Variants in QSOX2 observed in about 807,000 individuals in gnomAD.
QSOX2 encodes the protein quiescin sulfhydryl oxidase 2, also known as sulfhydryl oxidase 2.
A neutral mutation model predicts 61.7 loss-of-function variants in QSOX2; 46 were observed. The ratio of observed to expected loss-of-function variants is 0.75; its 90% CI spans 0.59 to 0.95. The LOEUF (loss-of-function observed/expected upper bound fraction) is 0.95. QSOX2 is among the 40% of genes least tolerant of loss of function. QSOX2 has a pLI of 0.00. For synonymous variants in QSOX2, 383 were observed against 388.4 expected (o/e 0.99, Z 0.16); for missense variants, 879 against 918.9 (o/e 0.96, Z 0.56).
At chr9:136,230,105 C>T (rs2131062902) in intron 1 of QSOX2, among the ~76,000 whole-genome samples, 1 of 152,102 alleles carries the variant, frequency 6.6e-6, no homozygotes, top group East Asian at 1.9e-4. Context: ...ATGGTAAAAC[C>T]CCGTCTCTAC....
At chr9:136,218,958 C>T (rs551924895) in intron 7 of QSOX2, 72 bp downstream of exon 7, 482 of 1,585,256 alleles carry the variant, frequency 3.0e-4, no homozygotes, top group Non-Finnish European at 3.8e-4. Flanking sequence ...TGAGTAAACC[C>T]GCCCTGCAAG....
chr9:136,238,511 G>A (rs946347538), intron 1 of QSOX2, among the ~76,000 whole-genome samples: 21 of 152,238 alleles, frequency 1.4e-4, no homozygotes, highest in African/African-American at 5.1e-4. Flanking sequence ...CAAAGACAAC[G>A]CTCCCCGGGC....
At chr9:136,241,292 C>A (rs1328271917) in intron 1 of QSOX2, among the ~76,000 whole-genome samples, 1 of 152,256 alleles carries the variant, frequency 6.6e-6, no homozygotes, top group Non-Finnish European at 1.5e-5. Flanking sequence ...CACCTGGCAG[C>A]TCTCACGGGC....
chr9:136,236,552 C>T (rs1305000642), intron 1 of QSOX2, among the ~76,000 whole-genome samples: 6 of 152,254 alleles, frequency 3.9e-5, no homozygotes, highest in African/African-American at 9.6e-5. Flanking sequence ...CCTGGCCAAA[C>T]GGGTGCTCCA....
At chr9:136,229,630 A>C (rs1830312765) in intron 1 of QSOX2, among the ~76,000 whole-genome samples, 2 of 152,368 alleles carry the variant, frequency 1.3e-5, no homozygotes, top group East Asian at 3.9e-4. Flanking sequence ...AAGCCGGCCT[A>C]GAAACAGCAA....
intron 6 of QSOX2, among the ~76,000 whole-genome samples, chr9:136,219,620 G>T (rs138994791): frequency 6.6e-6 from 1 of 152,058 alleles, no homozygotes; most frequent in Non-Finnish European, 1.5e-5. Context: ...AGCTCCCTGC[G>T]TGCCCACCCT....
intron 1 of QSOX2, among the ~76,000 whole-genome samples, chr9:136,236,838 G>C (rs1212253027): frequency 6.7e-6 from 1 of 148,528 alleles, no homozygotes; most frequent in Non-Finnish European, 1.5e-5. Flanking sequence ...TGCCCATCCT[G>C]TCCCACACCT....
At chr9:136,244,282 G>A (rs1264458083) in intron 1 of QSOX2, among the ~76,000 whole-genome samples, 1 of 152,192 alleles carries the variant, frequency 6.6e-6, no homozygotes, top group Non-Finnish European at 1.5e-5. Context: ...TCAGTTCTGA[G>A]TCAGGTCAAC....
At chr9:136,232,934 A>AG (rs1830344817) in intron 1 of QSOX2, among the ~76,000 whole-genome samples, 1 of 149,620 alleles carries the variant, frequency 6.7e-6, no homozygotes, top group African/African-American at 2.5e-5. Context: ...AAAAAAAAAA[A>AG]AAAAGAAAAA....
intron 1 of QSOX2, among the ~76,000 whole-genome samples, chr9:136,233,459 C>T (rs946564898): frequency 3.3e-5 from 5 of 152,208 alleles, no homozygotes; most frequent in Non-Finnish European, 5.9e-5. Context: ...TCAGGACGGC[C>T]AACACGGTGG....
Position 136,221,876 on chromosome 9 carries a change from T to C in QSOX2, c.741A>G (p.Ala247=). 6.2e-7 allele frequency: 1 copy of C among 1,612,886 alleles called. No homozygotes were observed. The change falls in exon 6 of 12, where the codon GCA becomes GCG. Residue 247 remains alanine (A), a synonymous_variant. Coordinates refer to ENST00000358701, the MANE Select transcript of QSOX2 (RefSeq NM_181701.4). This position sits in a 1 kb window ranked among gnomAD's most constrained non-coding sequence, Gnocchi z 4.5. ...AAGAAACACCAAGTTTCTCCAGAAATGCTTTGTCCCCGTCCAGTGCTCGGG... is the reference window on the plus strand; with the variant it reads ...AAGAAACACCAAGTTTCTCCAGAAACGCTTTGTCCCCGTCCAGTGCTCGGG... ...VVTRALDGDK[A]FLEKLGVSSV... is the part of the protein sequence containing the mutation.
intron 10 of QSOX2, among the ~76,000 whole-genome samples, chr9:136,212,054 G>A (rs559142863): frequency 1.7e-4 from 26 of 152,338 alleles, no homozygotes; most frequent in African/African-American, 5.8e-4. Context: ...GCACAGGGAC[G>A]GGTGCACCCA....
chr9:136,238,629 C>T (rs569388307), intron 1 of QSOX2, among the ~76,000 whole-genome samples: 2 of 152,212 alleles, frequency 1.3e-5, no homozygotes, highest in Non-Finnish European at 2.9e-5. Context: ...CTGCCACGCG[C>T]GGCCTGGCCT....
chr9:136,243,853 T>C (rs1410322131), intron 1 of QSOX2, among the ~76,000 whole-genome samples: 1 of 152,216 alleles, frequency 6.6e-6, no homozygotes, highest in Admixed American at 6.5e-5. Context: ...CTGTCGTGAC[T>C]GGGAAGACAG....
intron 1 of QSOX2, among the ~76,000 whole-genome samples, chr9:136,243,087 C>T (rs567059042): frequency 6.6e-6 from 1 of 152,326 alleles, no homozygotes; most frequent in African/African-American, 2.4e-5. Context: ...GACAGCACAG[C>T]CTCAGCAGCA....
chr9:136,237,179 G>A (rs1350976189), intron 1 of QSOX2, among the ~76,000 whole-genome samples: 2 of 142,702 alleles, frequency 1.4e-5, no homozygotes, highest in East Asian at 2.2e-4. Context: ...CCTGGTGCCC[G>A]TCCTGTGCCA....
rs139873002 is a variant in QSOX2, at chr9:136,210,990, G to A, written c.1549+274C>T. On this transcript the variant is annotated intron_variant, in intron 11 of 11. Coordinates refer to ENST00000358701, the MANE Select transcript of QSOX2 (RefSeq NM_181701.4). ...GTCTAACGGGCTACCAGTGGGTACCGATGGGGGAAGAAAGAGCCACACCCA... is the reference window on the plus strand; with the variant it reads ...GTCTAACGGGCTACCAGTGGGTACCAATGGGGGAAGAAAGAGCCACACCCA... 14 of 754,000 alleles carry A rather than the reference G, an allele frequency of 1.9e-5. No individual in the cohort carries two copies. The African/African-American group carries it at 2.1e-4, about 11-fold the overall frequency. 46.7% of individuals were successfully genotyped at this position (754,000 alleles called of 1,614,324 possible).
intron 1 of QSOX2, among the ~76,000 whole-genome samples, chr9:136,241,061 G>T (rs947750132): frequency 2.0e-5 from 3 of 152,070 alleles, no homozygotes; most frequent in Admixed American, 1.3e-4. Flanking sequence ...CAAGTAAGTG[G>T]CCTGGGTCTC....
intron 9 of QSOX2, among the ~76,000 whole-genome samples, chr9:136,215,776 A>C (rs1410932544): frequency 6.6e-6 from 1 of 152,216 alleles, no homozygotes; most frequent in South Asian, 2.1e-4. Context: ...GAGGGCTGAG[A>C]GCCCCAGGCA....
Sources: gnomAD v4.1 joint callset for allele counts (sites outside exome capture counted in the v4.1 genomes callset) on GRCh38, gnomAD v4.1.1 for gene constraint, Gnocchi (gnomAD v3.1) non-coding constraint, MANE v1.5 for transcripts, NCBI Gene and HGNC (gene_info 2026-07-23, HGNC 2026-07-21) for gene names.